The following GNG7 variants were observed in gnomAD, a reference collection of about 807,000 sequenced individuals.
GNG7 encodes the protein G protein subunit gamma 7.
A neutral mutation model predicts 4.0 loss-of-function variants in GNG7; 1 was observed. The observed-to-expected ratio is 0.25, with a 90% confidence interval of 0.09 to 1.18. The LOEUF is 1.18. GNG7 is among the 50% of genes most tolerant of loss of function. GNG7 has a pLI of 0.50. For missense variants in GNG7, 86 were observed against 91.9 expected (o/e 0.94, Z 0.26); for synonymous variants, 34 against 36.9 (o/e 0.92, Z 0.29).
At chr19:2,568,928 C>G (rs150957577) in intron 2 of GNG7, among the ~76,000 whole-genome samples, 2 of 151,950 alleles carry the variant, frequency 1.3e-5, no homozygotes, top group African/African-American at 2.4e-5. Flanking sequence ...CATACATATA[C>G]AAATATACAA....
chr19:2,592,798 GAGAA>G (rs142584590), intron 2 of GNG7, among the ~76,000 whole-genome samples: 8,367 of 95,478 alleles, frequency 0.088, 365 homozygotes, highest in East Asian at 0.15. Context: ...GGAGGGAAGA[GAGAA>G]AGAAAGAAAG....
rs1479449694 is a variant in GNG7, at chr19:2,661,292, A to AAGAGAGAGAG, written c.-134-15013_-134-15012insCTCTCTCTCT. On this transcript the variant is annotated intron_variant, in intron 1 of 4. Transcript: ENST00000382159. Reference sequence around the variant, plus strand: ...AAGAAAAGAAAGAAAGAAAGAAAGAAAGAAAGAAAGAGAAAGAAAGAAAGA... The same window carrying AAGAGAGAGAG: ...AAGAAAAGAAAGAAAGAAAGAAAGAAAGAGAGAGAGAGAAAGAAAGAGAAAGAAAGAAAGA... Among the ~76,000 whole-genome samples, 8 of 37,828 alleles carry AAGAGAGAGAG rather than the reference A, an allele frequency of 2.1e-4. No individual in the cohort carries two copies. The East Asian group carries it at 4.5e-3, about 21-fold the overall frequency. 24.8% of individuals were successfully genotyped at this position (37,828 alleles called of 152,430 possible).
At chr19:2,554,137 T>C (rs770733675) in intron 3 of GNG7, among the ~76,000 whole-genome samples, 17 of 147,066 alleles carry the variant, frequency 1.2e-4, no homozygotes, top group Non-Finnish European at 2.1e-4. Flanking sequence ...TAGTATATTA[T>C]AGCAGTGAAC....
chr19:2,581,889 A>G (rs1980515229), intron 2 of GNG7, among the ~76,000 whole-genome samples: 1 of 152,184 alleles, frequency 6.6e-6, no homozygotes, highest in East Asian at 1.9e-4. Context: ...GGGAGGTGAG[A>G]ACATTTTGTG....
chr19:2,621,932 G>A (rs1299647312), intron 2 of GNG7, among the ~76,000 whole-genome samples: 1 of 152,052 alleles, frequency 6.6e-6, no homozygotes, highest in East Asian at 1.9e-4. Context: ...ACACGTCTGC[G>A]GATTGATACT....
chr19:2,602,960 CTCTTTCTT>C (rs148115180), intron 2 of GNG7, among the ~76,000 whole-genome samples: 2 of 143,872 alleles, frequency 1.4e-5, no homozygotes, highest in African/African-American at 5.1e-5. Flanking sequence ...TCTTTTCTTT[CTCTTTCTT>C]TCTTTCTCTC....
chr19:2,620,421 C>T (rs1010073048), intron 2 of GNG7, among the ~76,000 whole-genome samples: 1 of 151,990 alleles, frequency 6.6e-6, no homozygotes, highest in Non-Finnish European at 1.5e-5. Flanking sequence ...GCCCATGCAC[C>T]GGGAAACCTG....
intron 2 of GNG7, among the ~76,000 whole-genome samples, chr19:2,623,692 G>C (rs58034188): frequency 0.22 from 33,287 of 152,086 alleles, 7,202 homozygotes; most frequent in African/African-American, 0.57. Context: ...ACCAGCCTGG[G>C]CAATGTGGTG....
At chr19:2,628,832 A>AG (rs1982086011) in intron 2 of GNG7, among the ~76,000 whole-genome samples, 1 of 152,060 alleles carries the variant, frequency 6.6e-6, no homozygotes, top group Admixed American at 6.6e-5. Context: ...AGGTCAACTG[A>AG]CTAGGAATCT....
At position 2,515,159 on chromosome 19, in the gene GNG7, C is replaced by T; in HGVS notation, c.82-12G>A. The T allele has an allele frequency of 1.2e-6, 2 of 1,613,452 alleles. No homozygotes were observed. Among genetic ancestry groups the T allele is most frequent in the South Asian group, 1.1e-5 (1 of 91,068 alleles). On this transcript the variant is annotated splice_polypyrimidine_tract_variant and intron_variant, in intron 4 of 4. Coordinates refer to ENST00000382159, the MANE Select transcript of GNG7 (RefSeq NM_052847.3). ...GCCGCTTTGGAGACCTGTGTTTGAG[C>T]ACAAGGAGGAGACAGAGGAGACATA...
At chr19:2,631,509 G>A (rs536396284) in intron 2 of GNG7, among the ~76,000 whole-genome samples, 24 of 152,340 alleles carry the variant, frequency 1.6e-4, no homozygotes, top group African/African-American at 5.3e-4. Flanking sequence ...AATGTCTGTG[G>A]CCGTGTGCCA....
At chr19:2,555,786 G>A (rs1979523236) in intron 2 of GNG7, among the ~76,000 whole-genome samples, 1 of 152,126 alleles carries the variant, frequency 6.6e-6, no homozygotes, top group African/African-American at 2.4e-5. Context: ...GTCTCCGGGG[G>A]TCGGGGCGGT....
At chr19:2,688,920 C>T (rs1412818003) in intron 1 of GNG7, among the ~76,000 whole-genome samples, 3 of 151,828 alleles carry the variant, frequency 2.0e-5, no homozygotes, top group Non-Finnish European at 4.4e-5. Context: ...CAAAAATTAG[C>T]CAGGCACGGG....
At position 2,661,295 on chromosome 19, in the gene GNG7, A is replaced by G. The variant is rs1169573722; in HGVS notation, c.-134-15015T>C. 9.5e-3 allele frequency among the ~76,000 whole-genome samples: 435 copies of G among 45,892 alleles called. 7 individuals carry two copies. Among genetic ancestry groups the G allele is most frequent in the Non-Finnish European group, 0.012 (310 of 25,078 alleles). The allele number at this position is 45,892 out of a possible 152,430, so 30.1% of individuals were successfully genotyped here. A position where few individuals can be genotyped will look rare whatever the true frequency, so the allele number is the denominator to read the frequency against. On this transcript the variant is annotated intron_variant, in intron 1 of 4. Transcript: ENST00000382159. ...AAAAGAAAGAAAGAAAGAAAGAAAG[A>G]AAGAAAGAGAAAGAAAGAAAGAAAG...
chr19:2,643,828 G>A (rs77488550), intron 2 of GNG7: 20,029 of 359,826 alleles, frequency 0.056, 891 homozygotes, highest in Admixed American at 0.14. Context: ...TCAATGGGAC[G>A]CTGTCATCGA....
intron 2 of GNG7, among the ~76,000 whole-genome samples, chr19:2,581,665 CAT>C (rs1980509349): frequency 6.6e-6 from 1 of 152,232 alleles, no homozygotes; most frequent in South Asian, 2.1e-4. Flanking sequence ...GACACTGTGA[CAT>C]GTTCCTCAAC....
intron 2 of GNG7, among the ~76,000 whole-genome samples, chr19:2,637,060 C>G (rs115942192): frequency 6.6e-6 from 1 of 151,982 alleles, no homozygotes; most frequent in Non-Finnish European, 1.5e-5. Flanking sequence ...CCACTGCACC[C>G]CCGTCCCTAC....
rs765457083 is a variant in GNG7, at chr19:2,557,790, G to A, written c.-77-2602C>T. Among the ~76,000 whole-genome samples, 5 of 152,136 alleles carry A rather than the reference G, an allele frequency of 3.3e-5. No homozygotes were observed. The highest frequency in any genetic ancestry group is 1.3e-4 in the Admixed American group (2 of 15,264). ...CCCCAGGCCATGGTCCTTGACCAGGGAACCACAGCTCCTTATTCTGATGGG... is the reference window on the plus strand; with the variant it reads ...CCCCAGGCCATGGTCCTTGACCAGGAAACCACAGCTCCTTATTCTGATGGG... On this transcript the variant is annotated intron_variant, in intron 2 of 4. Transcript: ENST00000382159. The surrounding 1 kb of genome is among the most constrained non-coding windows in gnomAD (Gnocchi z 5.1).
chr19:2,547,912 C>T (rs1409343996), intron 3 of GNG7, among the ~76,000 whole-genome samples: 7 of 152,228 alleles, frequency 4.6e-5, no homozygotes. Flanking sequence ...AGGCCCACCC[C>T]TCTGGGCTCT....
Sources: gnomAD v4.1 joint callset for allele counts (sites outside exome capture counted in the v4.1 genomes callset) on GRCh38, gnomAD v4.1.1 for gene constraint, Gnocchi (gnomAD v3.1) non-coding constraint, MANE v1.5 for transcripts, NCBI Gene and HGNC (gene_info 2026-07-23, HGNC 2026-07-21) for gene names.